RBFOX3: variants seen among roughly 807,000 people sequenced by gnomAD.
RBFOX3 encodes RNA binding protein fox-1 homolog 3.
A neutral mutation model predicts 48.7 loss-of-function variants in RBFOX3; 17 were observed. The ratio of observed to expected loss-of-function variants is 0.35; its 90% CI spans 0.24 to 0.52. RBFOX3 has a LOEUF of 0.52. Among genes scored for constraint, RBFOX3 ranks in the 20% least tolerant of loss-of-function variants. RBFOX3 has a pLI of 0.94. For missense variants in RBFOX3, 382 were observed against 497.5 expected, an observed-to-expected ratio of 0.77 and a Z score of 2.21; for synonymous variants, 212 against 209.5, an observed-to-expected ratio of 1.01 and a Z score of -0.10.
chr17:79,092,414 G>A (rs2074106112), intron 14 of RBFOX3: 6 of 985,770 alleles, frequency 6.1e-6, no homozygotes, highest in Non-Finnish European at 7.2e-6. Flanking sequence ...CACAGGTGGG[G>A]TGGGGAGACC....
intron 2 of RBFOX3, among the ~76,000 whole-genome samples, chr17:79,462,507 T>C (rs1555749589): frequency 6.6e-6 from 1 of 152,182 alleles, no homozygotes; most frequent in African/African-American, 2.4e-5. Flanking sequence ...TAACAGTGGC[T>C]CTCAACTGGG....
chr17:79,313,266 C>T (rs924529108), intron 2 of RBFOX3, among the ~76,000 whole-genome samples: 1 of 152,170 alleles, frequency 6.6e-6, no homozygotes, highest in Non-Finnish European at 1.5e-5. Flanking sequence ...GGGGGAGGCT[C>T]GACCTGGCTC....
chr17:79,429,908 G>T (rs2068098366), intron 2 of RBFOX3, among the ~76,000 whole-genome samples: 1 of 152,246 alleles, frequency 6.6e-6, no homozygotes, highest in South Asian at 2.1e-4. Context: ...TGTGCTTGAG[G>T]ACCTGACTTT....
chr17:79,137,964 T>C (rs1047300543), intron 4 of RBFOX3, among the ~76,000 whole-genome samples: 1 of 152,116 alleles, frequency 6.6e-6, no homozygotes, highest in African/African-American at 2.4e-5. Flanking sequence ...CATCTTCTTC[T>C]CTAGAAGCCA....
At chr17:79,488,999 G>C (rs1279948705) in intron 1 of RBFOX3, among the ~76,000 whole-genome samples, 2 of 152,156 alleles carry the variant, frequency 1.3e-5, no homozygotes, top group Non-Finnish European at 2.9e-5. Flanking sequence ...GGTTTTTATA[G>C]CATTTTGCTT....
chr17:79,096,536 C>T, intron 12 of RBFOX3, 117 bp downstream of exon 12: 1 of 901,854 alleles, frequency 1.1e-6, no homozygotes, highest in Non-Finnish European at 1.7e-6. Context: ...CTCCTGGCTT[C>T]AAGGGTGGGA....
chr17:79,142,889 C>T (rs1179324274), intron 4 of RBFOX3, among the ~76,000 whole-genome samples: 13 of 152,158 alleles, frequency 8.5e-5, no homozygotes. Context: ...GTAATGCCCC[C>T]CATAACCCTG....
At chr17:79,624,827 G>A in the RBFOX3 span, among the ~76,000 whole-genome samples, 6 of 36,564 alleles carry the variant, frequency 1.6e-4, no homozygotes, top group South Asian at 3.1e-3. Context: ...CCCACCCCCC[G>A]CCCCATCCCT....
Position 79,297,117 on chromosome 17 carries a change from C to T in RBFOX3, c.-74+10607G>A, listed in dbSNP as rs569966649. Among the ~76,000 whole-genome samples, 5 of 152,154 alleles carry T rather than the reference C, an allele frequency of 3.3e-5. No individual in the cohort carries two copies. In the South Asian group the frequency reaches 6.2e-4, roughly 19 times the overall value. ...TAAAGTGATGCCCAAGGCCCACTAC[C>T]TGCCTTGTCTGGAGCTTGGCAGAGC... On this transcript the variant is annotated intron_variant, in intron 3 of 14. Transcript: ENST00000693108.
intron 3 of RBFOX3, among the ~76,000 whole-genome samples, chr17:79,239,393 A>G (rs776417860): frequency 6.6e-6 from 1 of 152,146 alleles, no homozygotes; most frequent in African/African-American, 2.4e-5. Flanking sequence ...CAATTATGGT[A>G]ATTTTTGCCT....
At chr17:79,596,950 A>T (rs1338508709) in intron 1 of RBFOX3, among the ~76,000 whole-genome samples, 12 of 152,132 alleles carry the variant, frequency 7.9e-5, no homozygotes, top group Admixed American at 7.2e-4. Flanking sequence ...TGATAGAAGG[A>T]TCCAAAACCT....
chr17:79,110,346 C>G (rs1199320810), intron 5 of RBFOX3, among the ~76,000 whole-genome samples: 1 of 152,120 alleles, frequency 6.6e-6, no homozygotes, highest in Non-Finnish European at 1.5e-5. Context: ...TCTCCACATC[C>G]TCTGAGGAGC....
chr17:79,282,589 C>T (rs1234920208), intron 3 of RBFOX3, among the ~76,000 whole-genome samples: 1 of 152,184 alleles, frequency 6.6e-6, no homozygotes, highest in Non-Finnish European at 1.5e-5. Flanking sequence ...CAGGGAGGGT[C>T]ACTGCACGGG....
chr17:79,568,093 G>T (rs957200384), intron 1 of RBFOX3, among the ~76,000 whole-genome samples: 1 of 152,136 alleles, frequency 6.6e-6, no homozygotes, highest in South Asian at 2.1e-4. Flanking sequence ...CAGAGCAATA[G>T]CCTGCTGGAA....
chr17:79,300,743 C>T (rs968410265), intron 3 of RBFOX3, among the ~76,000 whole-genome samples: 4 of 152,126 alleles, frequency 2.6e-5, no homozygotes, highest in African/African-American at 7.2e-5. Context: ...GCCGACGTTT[C>T]GAGACTCTGG....
At chr17:79,639,112 T>C in the RBFOX3 span, among the ~76,000 whole-genome samples, 5 of 152,050 alleles carry the variant, frequency 3.3e-5, no homozygotes, top group Non-Finnish European at 5.9e-5. Context: ...CTTCTTAAAG[T>C]CTTCCAAAAA....
intron 2 of RBFOX3, among the ~76,000 whole-genome samples, chr17:79,425,769 G>A (rs563686167): frequency 2.6e-5 from 4 of 152,198 alleles, no homozygotes; most frequent in Non-Finnish European, 4.4e-5. Context: ...GAGATTGGGG[G>A]CCCGGGGGTT....
intron 1 of RBFOX3, among the ~76,000 whole-genome samples, chr17:79,519,747 TG>T (rs1448295106): frequency 6.6e-6 from 1 of 152,148 alleles, no homozygotes; most frequent in Non-Finnish European, 1.5e-5. Context: ...GGTCAGCACC[TG>T]GGTGGTCAGT....
In RBFOX3 at chr17:79,363,232, CAG is replaced by C. The variant is rs1399963862; in HGVS notation, c.-174-55410_-174-55409del. Among the ~76,000 whole-genome samples, 2 of 152,086 alleles carry C rather than the reference CAG, an allele frequency of 1.3e-5. No individual in the cohort carries two copies. Among genetic ancestry groups the C allele is most frequent in the Non-Finnish European group, 2.9e-5 (2 of 67,998 alleles). On this transcript the variant is annotated intron_variant, in intron 2 of 14. Coordinates refer to ENST00000693108, the MANE Select transcript of RBFOX3 (RefSeq NM_001350451.2). The surrounding 1 kb of genome is among the most constrained non-coding windows in gnomAD (Gnocchi z 4.7). ...CTGTAGTGCCAGCAAGGCTGATGCA[CAG>C]AGAGGGGACATGGCTCACGGGTGAC...
Sources: allele counts gnomAD v4.1 joint callset (sites outside exome capture counted in the v4.1 genomes callset), GRCh38; gene constraint gnomAD v4.1.1; non-coding constraint Gnocchi (gnomAD v3.1); transcripts MANE v1.5; gene names NCBI Gene and HGNC (gene_info 2026-07-23, HGNC 2026-07-21).